SLIT1: variants seen among roughly 807,000 people sequenced by gnomAD.
SLIT1 encodes the protein slit homolog 1 protein.
A neutral mutation model predicts 186.1 loss-of-function variants in SLIT1; 66 were observed. The observed-to-expected ratio is 0.35, with a 90% confidence interval of 0.29 to 0.44. SLIT1 has a LOEUF of 0.44. Among genes scored for constraint, SLIT1 ranks in the 20% least tolerant of loss-of-function variants. The pLI, the probability that SLIT1 is intolerant of heterozygous loss-of-function variation, is 1.00. For synonymous variants in SLIT1, 761 were observed against 833.8 expected (o/e 0.91, Z 1.50); for missense variants, 1,638 against 2,037.4 (o/e 0.80, Z 3.77).
chr10:97,181,229 C>T (rs1850334217), intron 1 of SLIT1, among the ~76,000 whole-genome samples: 1 of 152,208 alleles, frequency 6.6e-6, no homozygotes, highest in South Asian at 2.1e-4. Flanking sequence ...GGCACCTCCC[C>T]TACACAGCGC....
Position 97,043,600 on chromosome 10 carries a change from C to T in SLIT1, c.1854-87G>A, listed in dbSNP as rs1032543048. ...CCACGCAGCTTCCGCCATCGTGGCT[C>T]GTTCACAGTTCTCCTCCATAGGCTG... On this transcript the variant is annotated intron_variant, in intron 18 of 36. Coordinates refer to ENST00000266058, the MANE Select transcript of SLIT1 (RefSeq NM_003061.3). The surrounding 1 kb of genome is among the most constrained non-coding windows in gnomAD (Gnocchi z 7.0). 7.8e-6 allele frequency: 10 copies of T among 1,278,332 alleles called. No individual in the cohort carries two copies. The highest frequency in any genetic ancestry group is 7.5e-5 in the Admixed American group (4 of 53,190). The allele number at this position is 1,278,332 out of a possible 1,614,324, so 79.2% of individuals were successfully genotyped here. A position where few individuals can be genotyped will look rare whatever the true frequency, so the allele number is the denominator to read the frequency against.
chr10:97,057,735 G>T (rs887211334), intron 11 of SLIT1: 4 of 459,152 alleles, frequency 8.7e-6, no homozygotes, highest in Non-Finnish European at 1.6e-5. Context: ...GATCCGGATG[G>T]TGGGACTTCA....
chr10:97,050,246 C>T (rs977859201), intron 13 of SLIT1, among the ~76,000 whole-genome samples: 3 of 152,250 alleles, frequency 2.0e-5, no homozygotes, highest in African/African-American at 7.2e-5. Context: ...TAAGTGCCAT[C>T]AGTTCAGGCC....
rs931739578 is a variant in SLIT1 at position 97,064,074 on chromosome 10, G to A, written c.629+94C>T. ...GGGTCTGAGGGAGAATGAGCTCCAT[G>A]ACCTGTCTGCAAAACCTTCACCTCC... On this transcript the variant is annotated intron_variant, in intron 7 of 36. Coordinates refer to ENST00000266058, the MANE Select transcript of SLIT1 (RefSeq NM_003061.3). The A allele has an allele frequency of 8.8e-6, 9 of 1,025,518 alleles. No individual in the cohort carries two copies. The African/African-American group carries it at 1.4e-4, about 16-fold the overall frequency. 63.5% of individuals were successfully genotyped at this position (1,025,518 alleles called of 1,614,324 possible).
chr10:97,173,494 CTT>C (rs71007318), intron 1 of SLIT1, among the ~76,000 whole-genome samples: 85,661 of 127,886 alleles, frequency 0.67, 29,499 homozygotes, highest in Non-Finnish European at 0.75. Context: ...CAGCTCCATC[CTT>C]TTTTTTTTTT....
At chr10:97,089,616 C>T (rs1238499263) in intron 4 of SLIT1, among the ~76,000 whole-genome samples, 1 of 152,192 alleles carries the variant, frequency 6.6e-6, no homozygotes, top group East Asian at 1.9e-4. Context: ...CGCTGCAGCC[C>T]TATCTGAATC....
rs374598075 is a variant in SLIT1 at position 97,002,934 on chromosome 10, G to A, written c.3924C>T (p.Thr1308=). 1.0e-4 allele frequency: 161 copies of A among 1,614,196 alleles called. No individual in the cohort carries two copies. Among genetic ancestry groups the A allele is most frequent in the African/African-American group, 6.9e-4 (52 of 75,056 alleles). Residue 1308 remains threonine (T), a synonymous_variant, in exon 35 of 37, where the codon ACC becomes ACT. Transcript: ENST00000266058. Reference sequence around the variant, plus strand: ...GGTTTCGGATGCAACCGTGGAAGCCGGTGCCGTTGAGGATCTGCCACAGGC... The same window carrying A: ...GGTTTCGGATGCAACCGTGGAAGCCAGTGCCGTTGAGGATCTGCCACAGGC... ...AFRLWQILNG[T]GFHGCIRNLY...
At chr10:97,025,817 A>T (rs1201060441) in intron 25 of SLIT1, among the ~76,000 whole-genome samples, 4 of 152,170 alleles carry the variant, frequency 2.6e-5, no homozygotes, top group Non-Finnish European at 5.9e-5. Context: ...CTGGACTGAA[A>T]TAGCGCCCCC....
chr10:97,185,430 G>A, intron 1 of SLIT1, 48 bp downstream of exon 1: 11 of 1,572,548 alleles, frequency 7.0e-6, no homozygotes, highest in Non-Finnish European at 9.5e-6. Flanking sequence ...CGTCTGGGTG[G>A]GAGGGCAACC....
intron 4 of SLIT1, among the ~76,000 whole-genome samples, chr10:97,122,607 G>T (rs1304538975): frequency 6.6e-6 from 1 of 152,174 alleles, no homozygotes; most frequent in Non-Finnish European, 1.5e-5. Flanking sequence ...TGTCCAGGGA[G>T]GTACATACTC....
intron 13 of SLIT1, among the ~76,000 whole-genome samples, chr10:97,056,113 G>T (rs1281753656): frequency 1.3e-5 from 2 of 152,162 alleles, no homozygotes; most frequent in Admixed American, 1.3e-4. Flanking sequence ...GCCCAGAGAA[G>T]CTGCCCAGAA....
intron 25 of SLIT1, among the ~76,000 whole-genome samples, chr10:97,024,141 T>C (rs879161263): frequency 6.6e-6 from 1 of 152,184 alleles, no homozygotes; most frequent in Admixed American, 6.5e-5. Context: ...AAATAACCAA[T>C]GGATGCCTTG....
chr10:97,119,913 G>GTATA (rs55656011), intron 4 of SLIT1, among the ~76,000 whole-genome samples: 925 of 56,472 alleles, frequency 0.016, 60 homozygotes, highest in Middle Eastern at 0.03. Context: ...TTCCAAAGGG[G>GTATA]TATATATATA....
At chr10:97,025,128 G>T (rs1166894435) in intron 25 of SLIT1, among the ~76,000 whole-genome samples, 2 of 152,054 alleles carry the variant, frequency 1.3e-5, no homozygotes, top group Non-Finnish European at 2.9e-5. Context: ...AAATTAGTTG[G>T]GCATGGTGAC....
In SLIT1 at chr10:97,000,766, TCTC is replaced by T; in HGVS notation, c.*343_*345del. ...TGGTTTGGAAGGCTGTCATTTTTCT[TCTC>T]CAGATTCAGATAGCAGGTAAGGAGG... On this transcript the variant is annotated 3_prime_UTR_variant, in exon 37 of 37. Transcript: ENST00000266058. 4.3e-6 allele frequency: 1 copy of T among 231,314 alleles called. No individual in the cohort carries two copies. Among genetic ancestry groups the T allele is most frequent in the Non-Finnish European group, 8.4e-6 (1 of 118,930 alleles). The allele number at this position is 231,314 out of a possible 1,614,324, so 14.3% of individuals were successfully genotyped here. A position where few individuals can be genotyped will look rare whatever the true frequency, so the allele number is the denominator to read the frequency against.
chr10:97,119,071 G>A (rs1849534707), intron 4 of SLIT1, among the ~76,000 whole-genome samples: 1 of 152,206 alleles, frequency 6.6e-6, no homozygotes, highest in Non-Finnish European at 1.5e-5. Context: ...CACTGCCTGG[G>A]GTCTCTTGTG....
At chr10:97,121,145 T>C (rs1849556980) in intron 4 of SLIT1, among the ~76,000 whole-genome samples, 1 of 152,164 alleles carries the variant, frequency 6.6e-6, no homozygotes, top group Admixed American at 6.5e-5. Flanking sequence ...TTCTGAAAAT[T>C]AATTATCAGT....
chr10:97,068,682 G>A lies in SLIT1; in HGVS notation c.414-2596C>T, dbSNP rs954754110. On this transcript the variant is annotated intron_variant, in intron 4 of 36. Coordinates refer to ENST00000266058, the MANE Select transcript of SLIT1 (RefSeq NM_003061.3). The surrounding 1 kb of genome is among the most constrained non-coding windows in gnomAD (Gnocchi z 4.2). Reference sequence around the variant, plus strand: ...CTTGTGGGGGAAGCTTCCTCCTCCCGCACTCGCCCGGCCCCACCTTCCCTT... The same window carrying A: ...CTTGTGGGGGAAGCTTCCTCCTCCCACACTCGCCCGGCCCCACCTTCCCTT... 6.6e-6 allele frequency among the ~76,000 whole-genome samples: 1 copy of A among 152,042 alleles called. No individual in the cohort carries two copies. Among genetic ancestry groups the A allele is most frequent in the East Asian group, 1.9e-4 (1 of 5,186 alleles).
rs1244501976 is a variant in SLIT1 at position 97,043,381 on chromosome 10, G to A, written c.1986C>T (p.Ser662=). The stretch of plus-strand genomic sequence containing the variant: ...GAGGCCGGACTCACAGTGTGGAGAG[G>A]GACTGGAGGGTGTCGAAGGCTCCTG... The part of the protein sequence containing the change: ...VSPGAFDTLQ[S]LSTLNLLANP... The change falls in exon 19 of 37, where the codon TCC becomes TCT. Residue 662 remains serine (S), a synonymous_variant. Transcript: ENST00000266058. The surrounding 1 kb of genome is among the most constrained non-coding windows in gnomAD (Gnocchi z 7.0). The A allele has an allele frequency of 1.9e-6, 3 of 1,613,552 alleles. No individual in the cohort carries two copies. The highest frequency in any genetic ancestry group is 2.2e-5 in the South Asian group (2 of 91,054).
Sources: allele counts gnomAD v4.1 joint callset (sites outside exome capture counted in the v4.1 genomes callset), GRCh38; gene constraint gnomAD v4.1.1; non-coding constraint Gnocchi (gnomAD v3.1); transcripts MANE v1.5; gene names NCBI Gene and HGNC (gene_info 2026-07-23, HGNC 2026-07-21).